The following ATP6V0D2 variants were observed in gnomAD, a reference collection of about 807,000 sequenced individuals.
ATP6V0D2 encodes ATPase H+ transporting V0 subunit d2.
ATP6V0D2 carries 40 observed loss-of-function variants against 40.0 expected under a neutral mutation model. That is an observed-to-expected ratio of 1.00 (90% CI 0.78 to 1.30). The LOEUF (loss-of-function observed/expected upper bound fraction) is 1.30, where lower values mean the gene tolerates loss of function less well. ATP6V0D2 is among the 50% of genes most tolerant of loss of function. The pLI, the probability that ATP6V0D2 is intolerant of heterozygous loss-of-function variation, is 0.00. For synonymous variants in ATP6V0D2, 179 were observed against 156.3 expected (o/e 1.15, Z -1.08); for missense variants, 470 against 423.1 (o/e 1.11, Z -0.97).
At chr8:86,099,737 G>A (rs761809868) in intron 1 of ATP6V0D2, among the ~76,000 whole-genome samples, 1 of 152,112 alleles carries the variant, frequency 6.6e-6, no homozygotes, top group Non-Finnish European at 1.5e-5. Context: ...CAGGTGATCC[G>A]ACTGCCTTGG....
chr8:86,113,218 C>A (rs1453413618), intron 1 of ATP6V0D2, among the ~76,000 whole-genome samples: 1 of 151,892 alleles, frequency 6.6e-6, no homozygotes, highest in Non-Finnish European at 1.5e-5. Context: ...GTGGCTCCTG[C>A]CTGTAATCCC....
intron 2 of ATP6V0D2, among the ~76,000 whole-genome samples, chr8:86,129,291 T>C (rs1486285567): frequency 6.6e-6 from 1 of 152,228 alleles, no homozygotes; most frequent in Non-Finnish European, 1.5e-5. Flanking sequence ...CAAACTGCTT[T>C]CCTATGTGTA....
chr8:86,146,822 C>T (rs944475416), intron 5 of ATP6V0D2, among the ~76,000 whole-genome samples: 4 of 152,104 alleles, frequency 2.6e-5, no homozygotes, highest in African/African-American at 9.7e-5. Flanking sequence ...TAAATACTTT[C>T]GATCATGTAA....
chr8:86,150,036 A>AATGT, intron 5 of ATP6V0D2, 76 bp from the exon 6 acceptor site: 1 of 1,316,214 alleles, frequency 7.6e-7, no homozygotes, highest in Non-Finnish European at 1.1e-6. Context: ...TTCAGAAATG[A>AATGT]ATGTGTGCAC....
chr8:86,151,349 T>G (rs1819148763), intron 6 of ATP6V0D2, 117 bp from the exon 7 acceptor site: 6 of 741,186 alleles, frequency 8.1e-6, no homozygotes, highest in Non-Finnish European at 1.3e-5. Flanking sequence ...AAACATTCAG[T>G]CCTCCTGGTA....
Position 86,153,111 on chromosome 8 carries a change from C to A in ATP6V0D2, c.*134C>A. 1.5e-6 allele frequency: 1 copy of A among 688,182 alleles called. No individual in the cohort carries two copies. The highest frequency in any genetic ancestry group is 2.2e-6 in the Non-Finnish European group (1 of 455,282). The allele number at this position is 688,182 out of a possible 1,614,324, so 42.6% of individuals were successfully genotyped here. A position where few individuals can be genotyped will look rare whatever the true frequency, so the allele number is the denominator to read the frequency against. ...ACTATATCTTCATGAGTTGCAAATC[C>A]ATGGAAACACAGTAAACCAGCCCTG... On this transcript the variant is annotated 3_prime_UTR_variant, in exon 8 of 8. Coordinates refer to ENST00000285393, the MANE Select transcript of ATP6V0D2 (RefSeq NM_152565.1).
At chr8:86,120,009 T>C (rs1818648374) in intron 2 of ATP6V0D2, among the ~76,000 whole-genome samples, 1 of 152,220 alleles carries the variant, frequency 6.6e-6, no homozygotes, top group Non-Finnish European at 1.5e-5. Flanking sequence ...AAAATTAGTT[T>C]TTTATTGACC....
intron 2 of ATP6V0D2, among the ~76,000 whole-genome samples, chr8:86,118,022 CT>C (rs773372306): frequency 8.0e-6 from 1 of 124,374 alleles, no homozygotes; most frequent in African/African-American, 5.3e-5. Flanking sequence ...TTCTTTCTTT[CT>C]TTCTTTTTTT....
rs1037805277 is a variant in ATP6V0D2 at position 86,111,470 on chromosome 8, T to A, written c.131-2239T>A. ...TATGGTATATTTATACCACCTTTCC[T>A]TTGTCCATTCATCCATCAATGGGCA... is the stretch of plus-strand genomic sequence containing the variant. On this transcript the variant is annotated intron_variant, in intron 1 of 7. Coordinates refer to ENST00000285393, the MANE Select transcript of ATP6V0D2 (RefSeq NM_152565.1). Among the ~76,000 whole-genome samples, 5 of 152,262 alleles carry A rather than the reference T, an allele frequency of 3.3e-5. No individual in the cohort carries two copies. The East Asian group carries it at 9.7e-4, about 29-fold the overall frequency.
intron 1 of ATP6V0D2, among the ~76,000 whole-genome samples, chr8:86,106,090 T>C (rs528963836): frequency 6.6e-6 from 1 of 152,298 alleles, no homozygotes; most frequent in Admixed American, 6.5e-5. Flanking sequence ...TCTAAGCAAG[T>C]GCTTAACCTT....
In ATP6V0D2 at chr8:86,113,856, T is replaced by G; in HGVS notation, c.278T>G (p.Leu93Arg). ...EYFRNHSLEPLSTFLTYMTCS... is the reference protein window; with the variant it reads ...EYFRNHSLEPRSTFLTYMTCS... ...TTCCGGAATCATTCCCTGGAGCCCC[T>G]CAGCACATTTCTCACCTATATGACG... The change falls in exon 2 of 8, where the codon CTC becomes CGC. Residue 93 changes from leucine (L) to arginine (R), a missense_variant. Transcript: ENST00000285393. 4 of 1,613,586 alleles carry G rather than the reference T, an allele frequency of 2.5e-6. No individual in the cohort carries two copies. The highest frequency in any genetic ancestry group is 3.4e-6 in the Non-Finnish European group (4 of 1,179,786).
rs564384965 is a variant in ATP6V0D2, at chr8:86,115,358, A to ATTTTTTTTTTTTTT, written c.302+1493_302+1506dup. Among the ~76,000 whole-genome samples, 29 of 73,278 alleles carry ATTTTTTTTTTTTTT rather than the reference A, an allele frequency of 4.0e-4. 6 individuals are homozygous for ATTTTTTTTTTTTTT. Among genetic ancestry groups the ATTTTTTTTTTTTTT allele is most frequent in the African/African-American group, 1.5e-3 (27 of 17,846 alleles). 48.1% of individuals were successfully genotyped at this position (73,278 alleles called of 152,430 possible). A position where few individuals can be genotyped will look rare whatever the true frequency, so the allele number is the denominator to read the frequency against. On this transcript the variant is annotated intron_variant, in intron 2 of 7. Transcript: ENST00000285393. ...CTTTCTTTGTCCTTCCGTATCATCC[A>ATTTTTTTTTTTTTT]TTTTTTTTTTTTTTTTTTTTTTTTT...
At chr8:86,099,595 G>A (rs529194929) in intron 1 of ATP6V0D2, among the ~76,000 whole-genome samples, 2 of 152,270 alleles carry the variant, frequency 1.3e-5, no homozygotes, top group South Asian at 4.2e-4. Flanking sequence ...CCGGGTTCAA[G>A]CAATTCTCCT....
intron 5 of ATP6V0D2, among the ~76,000 whole-genome samples, chr8:86,145,303 A>G (rs1359415377): frequency 9.2e-6 from 1 of 108,284 alleles, no homozygotes; most frequent in African/African-American, 3.4e-5. Flanking sequence ...GAAAGAAAGA[A>G]AGAAAGAAAA....
chr8:86,140,717 G>A (rs1391841066), intron 3 of ATP6V0D2, among the ~76,000 whole-genome samples: 1 of 152,082 alleles, frequency 6.6e-6, no homozygotes. Context: ...TGAGGTTTAG[G>A]GCAGCAGTCC....
intron 4 of ATP6V0D2, among the ~76,000 whole-genome samples, chr8:86,142,674 G>A (rs1450305557): frequency 1.3e-5 from 2 of 152,170 alleles, no homozygotes; most frequent in African/African-American, 4.8e-5. Flanking sequence ...ATGCAGTTTT[G>A]TCCTTTTCTG....
At chr8:86,130,141 C>G (rs1206885902) in intron 2 of ATP6V0D2, among the ~76,000 whole-genome samples, 2 of 152,090 alleles carry the variant, frequency 1.3e-5, no homozygotes, top group South Asian at 4.1e-4. Flanking sequence ...ATTTTTTCAG[C>G]TGTTTCCTAA....
chr8:86,122,407 G>T (rs947571106), intron 2 of ATP6V0D2, among the ~76,000 whole-genome samples: 3 of 152,122 alleles, frequency 2.0e-5, no homozygotes, highest in African/African-American at 4.8e-5. Context: ...ATATCCCAAT[G>T]ACACATAATA....
At chr8:86,132,005 T>G (rs1053768749) in intron 2 of ATP6V0D2, among the ~76,000 whole-genome samples, 6 of 152,122 alleles carry the variant, frequency 3.9e-5, no homozygotes, top group African/African-American at 1.4e-4. Flanking sequence ...CCTGAGTGCC[T>G]ATATGTATAT....
Sources: allele counts gnomAD v4.1 joint callset (sites outside exome capture counted in the v4.1 genomes callset), GRCh38; gene constraint gnomAD v4.1.1; transcripts MANE v1.5; gene names NCBI Gene and HGNC (gene_info 2026-07-23, HGNC 2026-07-21).